The following CCDC102B variants were observed in gnomAD, a reference collection of about 807,000 sequenced individuals.
CCDC102B encodes coiled-coil domain containing 102B.
In CCDC102B, 75 loss-of-function variants were observed where a neutral mutation model predicts 57.4. That is an observed-to-expected ratio of 1.31 (90% CI 1.08 to 1.58). CCDC102B has a LOEUF of 1.58. CCDC102B is among the 40% of genes most tolerant of loss of function. CCDC102B has a pLI of 0.00. For missense variants in CCDC102B, 636 were observed against 582.6 expected, an observed-to-expected ratio of 1.09 and a Z score of -0.94; for synonymous variants, 206 against 201.9, an observed-to-expected ratio of 1.02 and a Z score of -0.17.
intron 4 of CCDC102B, among the ~76,000 whole-genome samples, chr18:68,873,056 C>T (rs9961752): frequency 0.027 from 4,064 of 152,132 alleles, 189 homozygotes; most frequent in African/African-American, 0.092. Context: ...GAAATGAATT[C>T]GATATTCTTT....
chr18:68,805,616 G>C (rs2036006239), intron 1 of CCDC102B, among the ~76,000 whole-genome samples: 1 of 152,118 alleles, frequency 6.6e-6, no homozygotes, highest in African/African-American at 2.4e-5. Context: ...GGTCAAAAAA[G>C]AGAGTTATGG....
chr18:69,007,333 C>G (rs559172455), intron 6 of CCDC102B, among the ~76,000 whole-genome samples: 1 of 152,192 alleles, frequency 6.6e-6, no homozygotes, highest in Admixed American at 6.5e-5. Flanking sequence ...GTCTGCCAAC[C>G]CCAGGTGTAA....
intron 4 of CCDC102B, among the ~76,000 whole-genome samples, chr18:68,852,355 G>A (rs2038167373): frequency 6.6e-6 from 1 of 152,074 alleles, no homozygotes; most frequent in South Asian, 2.1e-4. Context: ...TGGTATCTGT[G>A]GGGGATTGTT....
intron 6 of CCDC102B, among the ~76,000 whole-genome samples, chr18:68,984,175 GAA>G (rs201125429): frequency 7.3e-6 from 1 of 136,100 alleles, no homozygotes; most frequent in Admixed American, 7.3e-5. Flanking sequence ...ATGCTCAAAA[GAA>G]AAAAAAAAAA....
intron 6 of CCDC102B, among the ~76,000 whole-genome samples, chr18:68,933,967 A>G (rs936391575): frequency 6.6e-6 from 1 of 151,924 alleles, no homozygotes; most frequent in Non-Finnish European, 1.5e-5. Flanking sequence ...AACAAAAATT[A>G]GGCTTCCTTT....
intron 4 of CCDC102B, among the ~76,000 whole-genome samples, chr18:68,854,134 C>T (rs2038273209): frequency 6.7e-6 from 1 of 150,136 alleles, no homozygotes; most frequent in South Asian, 2.1e-4. Context: ...GAGTTCCGCT[C>T]TTGTTGCCCA....
At chr18:68,934,999 A>T (rs2041796287) in intron 6 of CCDC102B, among the ~76,000 whole-genome samples, 1 of 151,940 alleles carries the variant, frequency 6.6e-6, no homozygotes, top group Non-Finnish European at 1.5e-5. Context: ...ATGGAGAAAC[A>T]GAAAGCCAGG....
At position 68,836,953 on chromosome 18, in the gene CCDC102B, A is replaced by C; in HGVS notation, c.190A>C (p.Thr64Pro). The C allele has an allele frequency of 6.2e-7, 1 of 1,614,068 alleles. No individual in the cohort carries two copies. Among genetic ancestry groups the C allele is most frequent in the Admixed American group, 1.7e-5 (1 of 60,008 alleles). Residue 64 changes from threonine (T) to proline (P), a missense_variant, in exon 2 of 8, where the codon ACC becomes CCC. Physicochemically the swap from Thr to Pro is conservative, Grantham distance 38. Coordinates refer to ENST00000360242, the MANE Select transcript of CCDC102B (RefSeq NM_024781.3). ...CAATTTCTGTGCTCACTCATATAACACCAACAAATGGGATATTTGTGAAGA... is the reference window on the plus strand; with the variant it reads ...CAATTTCTGTGCTCACTCATATAACCCCAACAAATGGGATATTTGTGAAGA... ...AHNFCAHSYN[T>P]NKWDICEELR...
At position 68,744,937 on chromosome 18, in the gene CCDC102B, C is replaced by T. The variant is rs553403570; in HGVS notation, c.-67+28343C>T. On this transcript the variant is annotated intron_variant, in intron 2 of 3. Transcript: ENST00000578970. The stretch of plus-strand genomic sequence containing the variant: ...CCAGTCAAGACTGAAGTTGAACATC[C>T]TGACTGTTATTGAGTTTCCTTCCTC... 1.2e-4 allele frequency among the ~76,000 whole-genome samples: 19 copies of T among 152,278 alleles called. No individual in the cohort carries two copies. The South Asian group carries it at 3.7e-3, about 30-fold the overall frequency.
intron 1 of CCDC102B, among the ~76,000 whole-genome samples, chr18:68,828,327 A>C (rs1293719349): frequency 1.3e-3 from 81 of 64,020 alleles, no homozygotes; most frequent in African/African-American, 3.5e-3. Flanking sequence ...ATTTACAAAA[A>C]AAAAAAAAAA....
chr18:68,830,373 T>C (rs1268477435), intron 1 of CCDC102B, among the ~76,000 whole-genome samples: 2 of 151,952 alleles, frequency 1.3e-5, no homozygotes, highest in African/African-American at 4.8e-5. Context: ...GGTGGGGCTA[T>C]ACAGTTCCAG....
At chr18:69,014,906 G>A (rs1180034445) in intron 7 of CCDC102B, among the ~76,000 whole-genome samples, 2 of 151,608 alleles carry the variant, frequency 1.3e-5, no homozygotes, top group East Asian at 1.9e-4. Context: ...GTGAAGAAGG[G>A]AGAAACACAG....
intron 2 of CCDC102B, among the ~76,000 whole-genome samples, chr18:68,720,843 C>A (rs563930754): frequency 6.6e-6 from 1 of 152,204 alleles, no homozygotes; most frequent in South Asian, 2.1e-4. Flanking sequence ...AAAGGCTAGG[C>A]AGAGGGTGGC....
chr18:68,738,967 T>C (rs1369635502), intron 2 of CCDC102B, among the ~76,000 whole-genome samples: 1 of 150,280 alleles, frequency 6.7e-6, no homozygotes, highest in Non-Finnish European at 1.5e-5. Context: ...CCTGAACCTC[T>C]GGCCATTGGA....
intron 4 of CCDC102B, among the ~76,000 whole-genome samples, chr18:68,849,264 C>T (rs2144828235): frequency 6.6e-6 from 1 of 152,208 alleles, no homozygotes; most frequent in African/African-American, 2.4e-5. Flanking sequence ...CTGCGTACAT[C>T]AAGGCAAGGT....
intron 6 of CCDC102B, among the ~76,000 whole-genome samples, chr18:68,957,416 T>C (rs756460778): frequency 6.6e-6 from 1 of 152,116 alleles, no homozygotes; most frequent in African/African-American, 2.4e-5. Context: ...GAAAATGAGT[T>C]CATTTTAGAG....
At chr18:68,837,641 A>C (rs1182232522) in intron 2 of CCDC102B, among the ~76,000 whole-genome samples, 1 of 152,056 alleles carries the variant, frequency 6.6e-6, no homozygotes, top group African/African-American at 2.4e-5. Flanking sequence ...GTGTCTTCAC[A>C]TGGTCTTTTC....
intron 5 of CCDC102B, among the ~76,000 whole-genome samples, chr18:68,896,779 T>G (rs546487610): frequency 6.6e-6 from 1 of 152,046 alleles, no homozygotes; most frequent in African/African-American, 2.4e-5. Context: ...GATAGAGAGA[T>G]AGAGATAGAG....
At chr18:68,941,742 G>T (rs1017758582) in intron 6 of CCDC102B, among the ~76,000 whole-genome samples, 7 of 152,000 alleles carry the variant, frequency 4.6e-5, no homozygotes, top group Non-Finnish European at 8.8e-5. Flanking sequence ...GCAATGTGAT[G>T]ATATCATAAG....
Sources: allele counts gnomAD v4.1 joint callset (sites outside exome capture counted in the v4.1 genomes callset), GRCh38; gene constraint gnomAD v4.1.1; transcripts MANE v1.5; gene names NCBI Gene and HGNC (gene_info 2026-07-23, HGNC 2026-07-21).